Variants in CHST7 observed in about 807,000 individuals in gnomAD.
The protein encoded by CHST7 is N-acetylglucosamine 6-O-sulfotransferase 4.
In CHST7, 5 loss-of-function variants were observed where a neutral mutation model predicts 9.0. The ratio of observed to expected loss-of-function variants is 0.56; its 90% CI spans 0.29 to 1.17. CHST7 has a LOEUF of 1.17. CHST7 is among the 50% of genes most tolerant of loss of function. The pLI is 0.08. For missense variants in CHST7, 377 were observed against 485.1 expected (o/e 0.78, Z 2.09); for synonymous variants, 244 against 237.1 (o/e 1.03, Z -0.27).
Position 46,581,960 on chromosome X carries a change from C to T in CHST7, c.*31+6537C>T, listed in dbSNP as rs1253869296. Among the ~76,000 whole-genome samples, 4 of 111,801 alleles carry T rather than the reference C, an allele frequency of 3.6e-5. No homozygotes were observed. In the Admixed American group the frequency reaches 3.8e-4, roughly 11 times the overall value. ...GCCAGTCTCACTTCCTAGAAGCAGC[C>T]ACAATATTTCTTGTAGTATATGTCT... On this transcript the variant is annotated intron_variant, in intron 1 of 1. Coordinates refer to ENST00000276055, the MANE Select transcript of CHST7 (RefSeq NM_019886.4).
intron 1 of CHST7, among the ~76,000 whole-genome samples, chrX:46,594,345 T>C (rs983146460): frequency 2.4e-4 from 27 of 110,443 alleles, no homozygotes; most frequent in African/African-American, 8.5e-4. Flanking sequence ...CTGGCCAACG[T>C]GGCGAAACCC....
rs748343016 is a variant in CHST7, at chrX:46,575,903, CAG to C, written c.*31+485_*31+486del. On this transcript the variant is annotated intron_variant, in intron 1 of 1. Transcript: ENST00000276055. The stretch of plus-strand genomic sequence containing the variant: ...TTACAGGCACAGAGAAAGCCAAAAG[CAG>C]AGAGTTTGGTGGAAAGGCATTGATT... Among the ~76,000 whole-genome samples the C allele has an allele frequency of 2.5e-3, 284 of 111,874 alleles. 2 individuals carry two copies. The highest frequency in any genetic ancestry group is 8.9e-3 in the African/African-American group (274 of 30,787).
At chrX:46,583,804 T>G (rs560297066) in intron 1 of CHST7, among the ~76,000 whole-genome samples, 4 of 111,948 alleles carry the variant, frequency 3.6e-5, no homozygotes, top group African/African-American at 9.7e-5. Flanking sequence ...CACCGTACTC[T>G]GCTATTGAAC....
intron 1 of CHST7, among the ~76,000 whole-genome samples, chrX:46,584,885 C>T (rs931295552): frequency 2.7e-5 from 3 of 111,469 alleles, no homozygotes; most frequent in South Asian, 3.8e-4. Context: ...TTGAAGAAGT[C>T]ATTACATCCA....
intron 1 of CHST7, among the ~76,000 whole-genome samples, chrX:46,592,611 C>T (rs1358911848): frequency 2.7e-5 from 3 of 112,110 alleles, no homozygotes; most frequent in African/African-American, 9.7e-5. Context: ...GATCCACCCG[C>T]CTTGGCCTTC....
chrX:46,592,993 C>T (rs1942579669), intron 1 of CHST7, among the ~76,000 whole-genome samples: 1 of 109,528 alleles, frequency 9.1e-6, no homozygotes, highest in East Asian at 2.9e-4. Flanking sequence ...TAATTTCCTG[C>T]TATCTTTCTG....
intron 1 of CHST7, among the ~76,000 whole-genome samples, chrX:46,589,872 C>A (rs1942565957): frequency 9.0e-6 from 1 of 111,251 alleles, no homozygotes; most frequent in South Asian, 3.8e-4. Flanking sequence ...GGTTGCCCTG[C>A]CTGAATTAGC....
intron 1 of CHST7, among the ~76,000 whole-genome samples, chrX:46,581,249 A>ATAAT (rs1556028611): frequency 4.5e-5 from 4 of 89,857 alleles, no homozygotes; most frequent in South Asian, 1.1e-3. Flanking sequence ...AAAAAAAAAA[A>ATAAT]AATAATAATA....
In CHST7 at chrX:46,574,180, T is replaced by C; in HGVS notation, c.249T>C (p.Pro83=). Residue 83 remains proline, a synonymous_variant, in exon 1 of 2, where the codon CCT becomes CCC. Coordinates refer to ENST00000276055, the MANE Select transcript of CHST7 (RefSeq NM_019886.4). ...AAEEGGANQS[P]RFPSNLSGAV... is the part of the protein sequence containing the mutation. ...AGGAAGGGGGCGCGAACCAGTCTCC[T>C]CGGTTCCCAAGCAACCTCAGCGGCG... 1.7e-6 allele frequency: 2 copies of C among 1,191,664 alleles called. No individual in the cohort carries two copies. The highest frequency in any genetic ancestry group is 2.3e-6 in the Non-Finnish European group (2 of 884,220).
At chrX:46,596,011 G>A (rs1277787329) in intron 1 of CHST7, among the ~76,000 whole-genome samples, 5 of 109,386 alleles carry the variant, frequency 4.6e-5, no homozygotes, top group Admixed American at 2.0e-4. Flanking sequence ...GGTGGTGCAC[G>A]CCTGTAATCC....
At chrX:46,582,011 A>G (rs1255088921) in intron 1 of CHST7, among the ~76,000 whole-genome samples, 2 of 112,483 alleles carry the variant, frequency 1.8e-5, no homozygotes, top group African/African-American at 6.5e-5. Context: ...AAATTCCGGC[A>G]GAAAAATATA....
At chrX:46,595,086 T>C (rs1342790530) in intron 1 of CHST7, among the ~76,000 whole-genome samples, 1 of 112,812 alleles carries the variant, frequency 8.9e-6, no homozygotes, top group African/African-American at 3.2e-5. Flanking sequence ...AGTTCTAAAA[T>C]TTCTATTTGG....
chrX:46,581,603 A>AT (rs139038017), intron 1 of CHST7, among the ~76,000 whole-genome samples: 1 of 105,133 alleles, frequency 9.5e-6, no homozygotes, highest in East Asian at 3.1e-4. Flanking sequence ...AAAAATAGAA[A>AT]TTTTTTTTTG....
At chrX:46,586,463 T>G (rs1276937184) in intron 1 of CHST7, among the ~76,000 whole-genome samples, 3 of 111,894 alleles carry the variant, frequency 2.7e-5, no homozygotes, top group Admixed American at 1.9e-4. Flanking sequence ...TGGGGACCAA[T>G]GGCAGCCTGA....
At chrX:46,590,590 C>T (rs188780610) in intron 1 of CHST7, among the ~76,000 whole-genome samples, 38 of 111,520 alleles carry the variant, frequency 3.4e-4, no homozygotes, top group African/African-American at 1.2e-3. Context: ...GTGTACCCTT[C>T]AAATAGCTTC....
Position 46,591,991 on chromosome X carries a change from G to C in CHST7, c.*32-5769G>C, listed in dbSNP as rs779279294. Among the ~76,000 whole-genome samples, 4 of 111,935 alleles carry C rather than the reference G, an allele frequency of 3.6e-5. 1 individual carries two copies. The South Asian group carries it at 1.1e-3, about 31-fold the overall frequency. On this transcript the variant is annotated intron_variant, in intron 1 of 1. Transcript: ENST00000276055. ...TGTTTGGTTTTCTGTTCCTGTGTTA[G>C]TTTGCTGAGGATGATGGTTTCCAGC...
At chrX:46,578,097 A>G (rs1445056856) in intron 1 of CHST7, among the ~76,000 whole-genome samples, 1 of 109,765 alleles carries the variant, frequency 9.1e-6, no homozygotes, top group African/African-American at 3.3e-5. Context: ...GGCCCTTTCT[A>G]TCTTTTACAT....
chrX:46,598,350 T>TGTC lies in CHST7; in HGVS notation c.*623_*625dup, dbSNP rs1556030905. 8.9e-6 allele frequency: 1 copy of TGTC among 112,118 alleles called. No homozygotes were observed. The highest frequency in any genetic ancestry group is 2.8e-4 in the East Asian group (1 of 3,596). 9.2% of individuals were successfully genotyped at this position (112,118 alleles called of 1,213,427 possible). On this transcript the variant is annotated 3_prime_UTR_variant, in exon 2 of 2. Coordinates refer to ENST00000276055, the MANE Select transcript of CHST7 (RefSeq NM_019886.4). ...ACACACTTTTACTTTAAAATTTTTC[T>TGTC]GTCTGGCGTTTTTGTAATCATACTA...
rs1350450394 is a variant in CHST7 at position 46,596,636 on chromosome X, A to G, written c.*32-1124A>G. Among the ~76,000 whole-genome samples the G allele has an allele frequency of 4.5e-5, 5 of 110,379 alleles. No individual in the cohort carries two copies. The East Asian group carries it at 1.4e-3, about 31-fold the overall frequency. On this transcript the variant is annotated intron_variant, in intron 1 of 1. Coordinates refer to ENST00000276055, the MANE Select transcript of CHST7 (RefSeq NM_019886.4). The stretch of plus-strand genomic sequence containing the variant: ...AGCCCTTTCATGAAACATGTGTACT[A>G]GCAAAATACTAAAGATTTATAGAAA...
Sources: gnomAD v4.1 joint callset for allele counts (sites outside exome capture counted in the v4.1 genomes callset) on GRCh38, gnomAD v4.1.1 for gene constraint, MANE v1.5 for transcripts, NCBI Gene and HGNC (gene_info 2026-07-23, HGNC 2026-07-21) for gene names.